SPECC1: variants seen among roughly 807,000 people sequenced by gnomAD.
SPECC1 encodes the protein cytospin-B.
SPECC1 carries 62 observed loss-of-function variants against 104.1 expected under a neutral mutation model. The ratio of observed to expected loss-of-function variants is 0.60; its 90% CI spans 0.49 to 0.74. The LOEUF (loss-of-function observed/expected upper bound fraction) is 0.74, where lower values mean the gene tolerates loss of function less well. SPECC1 is among the 30% of genes least tolerant of loss of function. SPECC1 has a pLI of 0.00. For synonymous variants in SPECC1, 513 were observed against 501.6 expected, an observed-to-expected ratio of 1.02 and a Z score of -0.30; for missense variants, 1,306 against 1,310.5, an observed-to-expected ratio of 1.00 and a Z score of 0.05.
intron 12 of SPECC1, among the ~76,000 whole-genome samples, chr17:20,268,118 A>G (rs904041785): frequency 3.9e-4 from 60 of 152,366 alleles, no homozygotes; most frequent in African/African-American, 1.4e-3. Context: ...TCAGATCAAA[A>G]GAAAGAAGAG....
chr17:20,109,832 C>G (rs985767311), intron 2 of SPECC1, among the ~76,000 whole-genome samples: 1 of 151,964 alleles, frequency 6.6e-6, no homozygotes, highest in Non-Finnish European at 1.5e-5. Flanking sequence ...CTTTTTTTCC[C>G]CCACCAGGAG....
At chr17:20,220,558 GTTTTTT>G (rs34347184) in intron 4 of SPECC1, among the ~76,000 whole-genome samples, 3 of 128,066 alleles carry the variant, frequency 2.3e-5, no homozygotes, top group Non-Finnish European at 3.3e-5. Context: ...GTTCTTAATA[GTTTTTT>G]TTTTTTTTTT....
intron 3 of SPECC1, among the ~76,000 whole-genome samples, chr17:20,135,792 T>C (rs1177695662): frequency 7.2e-5 from 11 of 152,240 alleles, no homozygotes; most frequent in African/African-American, 2.6e-4. Context: ...GGAATTACAT[T>C]AGGAACCATG....
chr17:20,269,231 GCTGGCGT>G (rs2040317966), intron 12 of SPECC1, among the ~76,000 whole-genome samples: 1 of 152,258 alleles, frequency 6.6e-6, no homozygotes, highest in Non-Finnish European at 1.5e-5. Flanking sequence ...CTGGCCCTTG[GCTGGCGT>G]CTGGGAACTG....
intron 1 of SPECC1, among the ~76,000 whole-genome samples, chr17:20,019,997 C>T (rs1291976238): frequency 6.6e-6 from 1 of 152,202 alleles, no homozygotes; most frequent in African/African-American, 2.4e-5. Context: ...TGTCTCCCTG[C>T]AGGGTGACAT....
At position 20,318,046 on chromosome 17, in the gene SPECC1, C is replaced by G. The variant is rs2042061677; in HGVS notation, c.*3981C>G. On this transcript the variant is annotated 3_prime_UTR_variant, in exon 15 of 15. Coordinates refer to ENST00000395527, the MANE Select transcript of SPECC1 (RefSeq NM_001243439.2). Reference sequence around the variant, plus strand: ...CTATACTCAGCAGAGTGTGCCATTCCCAGTTTCTGTCCTGAGGATTTCAAA... The same window carrying G: ...CTATACTCAGCAGAGTGTGCCATTCGCAGTTTCTGTCCTGAGGATTTCAAA... The G allele has an allele frequency of 8.7e-6, 2 of 230,602 alleles. No homozygotes were observed. Among genetic ancestry groups the G allele is most frequent in the Non-Finnish European group, 1.7e-5 (2 of 116,440 alleles). The allele number at this position is 230,602 out of a possible 1,614,324, so 14.3% of individuals were successfully genotyped here. A position where few individuals can be genotyped will look rare whatever the true frequency, so the allele number is the denominator to read the frequency against.
chr17:20,125,606 A>G (rs946406529), intron 3 of SPECC1, among the ~76,000 whole-genome samples: 4 of 152,230 alleles, frequency 2.6e-5, no homozygotes, highest in African/African-American at 9.6e-5. Flanking sequence ...GAGATTCTGC[A>G]TCCAAGTGAG....
At chr17:20,179,133 C>T (rs2034683410) in intron 3 of SPECC1, among the ~76,000 whole-genome samples, 1 of 152,178 alleles carries the variant, frequency 6.6e-6, no homozygotes, top group East Asian at 1.9e-4. Context: ...TGTTGAGTTG[C>T]TGTGAAATTG....
intron 1 of SPECC1, among the ~76,000 whole-genome samples, chr17:20,058,835 CTTTTTT>C (rs58811372): frequency 1.1e-4 from 11 of 103,572 alleles, no homozygotes; most frequent in African/African-American, 3.9e-4. Flanking sequence ...CACTTTATTT[CTTTTTT>C]TTTTTTTTTT....
chr17:20,192,182 G>T (rs906514593), intron 3 of SPECC1, among the ~76,000 whole-genome samples: 1 of 151,864 alleles, frequency 6.6e-6, no homozygotes, highest in Non-Finnish European at 1.5e-5. Flanking sequence ...TGCCCAGACT[G>T]GTCTTGAACC....
intron 1 of SPECC1, among the ~76,000 whole-genome samples, chr17:20,034,815 G>A (rs1247331867): frequency 2.0e-5 from 3 of 151,920 alleles, no homozygotes; most frequent in African/African-American, 4.8e-5. Context: ...ATGTTGATCC[G>A]GCTGGTCTCA....
intron 6 of SPECC1, 105 bp downstream of exon 6, chr17:20,231,936 C>A: frequency 1.7e-6 from 2 of 1,208,990 alleles, no homozygotes; most frequent in Non-Finnish European, 2.4e-6. Flanking sequence ...GTTTCCACGG[C>A]ATGGTGGGCC....
intron 2 of SPECC1, 87 bp downstream of exon 2, chr17:20,096,885 C>G: frequency 6.7e-7 from 1 of 1,493,196 alleles, no homozygotes; most frequent in Non-Finnish European, 9.1e-7. Context: ...AAACCAGTGG[C>G]CTCTCGGGGC....
chr17:20,312,194 T>C (rs931683334), intron 14 of SPECC1, among the ~76,000 whole-genome samples: 3 of 152,214 alleles, frequency 2.0e-5, no homozygotes, highest in Non-Finnish European at 4.4e-5. Flanking sequence ...GTATTATTTC[T>C]TCCTTAAGTA....
chr17:20,185,149 T>C (rs1244736797), intron 3 of SPECC1: 2 of 152,262 alleles, frequency 1.3e-5, no homozygotes, highest in Non-Finnish European at 2.9e-5. Context: ...TGTCTTGTCA[T>C]CCTCCTGAGG....
intron 13 of SPECC1, among the ~76,000 whole-genome samples, chr17:20,298,091 C>T (rs144369133): frequency 1.1e-3 from 162 of 152,296 alleles, no homozygotes; most frequent in African/African-American, 2.9e-3. Flanking sequence ...GTGGCTCCCG[C>T]CTGTAATCCC....
chr17:20,239,397 T>C (rs889893305), intron 7 of SPECC1: 1 of 603,242 alleles, frequency 1.7e-6, no homozygotes, highest in African/African-American at 2.0e-5. Flanking sequence ...ATTTTCATAT[T>C]TTTAATAAAA....
intron 3 of SPECC1, among the ~76,000 whole-genome samples, chr17:20,197,606 C>G (rs531940107): frequency 6.6e-6 from 1 of 152,278 alleles, no homozygotes; most frequent in Non-Finnish European, 1.5e-5. Flanking sequence ...GACATGAACC[C>G]TAAAATTCCT....
At chr17:20,236,839 C>T (rs971344773) in intron 7 of SPECC1, 35 of 1,613,716 alleles carry the variant, frequency 2.2e-5, no homozygotes, top group Non-Finnish European at 2.8e-5. Flanking sequence ...CAGCCTCTCC[C>T]TCCCGTTTCT....
Sources: gnomAD v4.1 joint callset for allele counts (sites outside exome capture counted in the v4.1 genomes callset) on GRCh38, gnomAD v4.1.1 for gene constraint, MANE v1.5 for transcripts, NCBI Gene and HGNC (gene_info 2026-07-23, HGNC 2026-07-21) for gene names.